Variants in CLEC2A observed in about 807,000 individuals in gnomAD.
CLEC2A encodes the protein C-type lectin domain family 2 member A.
CLEC2A carries 19 observed loss-of-function variants against 18.6 expected under a neutral mutation model. The observed-to-expected ratio is 1.02, with a 90% confidence interval of 0.71 to 1.50. The LOEUF (loss-of-function observed/expected upper bound fraction) is 1.50. CLEC2A is among the 40% of genes most tolerant of loss of function. The pLI is 0.00. For missense variants in CLEC2A, 190 were observed against 207.9 expected (o/e 0.91, Z 0.53); for synonymous variants, 74 against 64.0 (o/e 1.16, Z -0.75).
chr12:9,901,604 A>AT (rs1423155601), intron 4 of CLEC2A, among the ~76,000 whole-genome samples: 1 of 152,086 alleles, frequency 6.6e-6, no homozygotes, highest in Non-Finnish European at 1.5e-5. Context: ...TGTTTACTTC[A>AT]TTTTTCTGGA....
the CLEC2A span, chr12:9,893,522 C>A: frequency 4.7e-6 from 7 of 1,483,940 alleles, no homozygotes; most frequent in Non-Finnish European, 5.4e-6. Flanking sequence ...GATAGATGAA[C>A]ACTTTTTAGT....
intron 2 of CLEC2A, among the ~76,000 whole-genome samples, chr12:9,922,920 T>TTTA (rs958942682): frequency 1.3e-5 from 2 of 151,900 alleles, no homozygotes; most frequent in Non-Finnish European, 2.9e-5. Context: ...TCCACCATGA[T>TTTA]TTATTATTAT....
chr12:9,894,120 T>TTTTC (rs747130806), downstream of CLEC2A, among the ~76,000 whole-genome samples: 1,745 of 108,740 alleles, frequency 0.016, 45 homozygotes, highest in African/African-American at 0.062. Context: ...TTTTTCTTTC[T>TTTTC]TTTCTTTCTC....
chr12:9,930,508 A>C (rs1863357636), intron 1 of CLEC2A, among the ~76,000 whole-genome samples: 1 of 152,038 alleles, frequency 6.6e-6, no homozygotes, highest in African/African-American at 2.4e-5. Flanking sequence ...TCTAATAGCC[A>C]CCATTTGATT....
At chr12:9,929,545 T>A (rs1046551726) in intron 1 of CLEC2A, among the ~76,000 whole-genome samples, 20 of 152,160 alleles carry the variant, frequency 1.3e-4, no homozygotes, top group African/African-American at 4.8e-4. Context: ...TGTGTGGACT[T>A]TCTTTCAAAA....
intron 2 of CLEC2A, among the ~76,000 whole-genome samples, chr12:9,925,208 T>C (rs1863248350): frequency 6.6e-6 from 1 of 152,236 alleles, no homozygotes; most frequent in Admixed American, 6.5e-5. Flanking sequence ...CTCAAGTTGA[T>C]GTGTCTTGTG....
chr12:9,925,548 T>C (rs1430335766), intron 2 of CLEC2A, among the ~76,000 whole-genome samples: 1 of 152,192 alleles, frequency 6.6e-6, no homozygotes, highest in African/African-American at 2.4e-5. Flanking sequence ...CTAATGAGGA[T>C]TAAATACAAA....
Position 9,929,483 on chromosome 12 carries a change from A to T in CLEC2A, c.55+2792T>A, listed in dbSNP as rs192362680. Among the ~76,000 whole-genome samples the T allele has an allele frequency of 1.1e-4, 16 of 152,310 alleles. No homozygotes were observed. In the East Asian group the frequency reaches 3.1e-3, roughly 29 times the overall value. ...TAACAGGGACTTATCTCAGATAGAC[A>T]TTGAATGTTATCATGTTTCCTTGTT... On this transcript the variant is annotated intron_variant, in intron 1 of 4. Coordinates refer to ENST00000455827, the MANE Select transcript of CLEC2A (RefSeq NM_001130711.2).
chr12:9,922,325 A>G, intron 2 of CLEC2A, 93 bp from the exon 3 acceptor site: 4 of 1,068,080 alleles, frequency 3.7e-6, no homozygotes, highest in Non-Finnish European at 5.0e-6. Context: ...TTGCTTCCAC[A>G]GTTTGAGGCC....
chr12:9,887,945 A>G, the CLEC2A span, among the ~76,000 whole-genome samples: 1 of 151,004 alleles, frequency 6.6e-6, no homozygotes, highest in East Asian at 2.0e-4. Context: ...ACTCCCAACT[A>G]CTTGGGAAGC....
the CLEC2A span, chr12:9,893,140 T>TACTG: frequency 6.5e-7 from 1 of 1,533,242 alleles, no homozygotes; most frequent in Non-Finnish European, 8.7e-7. Flanking sequence ...CAGGCACATT[T>TACTG]ACTGGTGATT....
At chr12:9,881,190 A>G in the CLEC2A span, among the ~76,000 whole-genome samples, 11 of 152,170 alleles carry the variant, frequency 7.2e-5, no homozygotes, top group African/African-American at 2.7e-4. Context: ...ATTTTTATTT[A>G]CCTAGACATT....
At chr12:9,880,496 C>T in the CLEC2A span, among the ~76,000 whole-genome samples, 7 of 151,576 alleles carry the variant, frequency 4.6e-5, no homozygotes, top group Admixed American at 3.3e-4. Context: ...TGAGTGGCCA[C>T]GTAGCAGAAA....
At chr12:9,919,399 G>C (rs1863127150) in intron 3 of CLEC2A, among the ~76,000 whole-genome samples, 1 of 152,204 alleles carries the variant, frequency 6.6e-6, no homozygotes. Context: ...AGGTGGGTGA[G>C]CAGAGCCTGT....
chr12:9,895,595 A>G (rs114159936), downstream of CLEC2A: 2,308 of 1,198,492 alleles, frequency 1.9e-3, 27 homozygotes, highest in African/African-American at 0.031. Flanking sequence ...TGGCTGCTGA[A>G]GAATTACCTA....
the CLEC2A span, among the ~76,000 whole-genome samples, chr12:9,889,680 A>G: frequency 2.0e-5 from 3 of 151,588 alleles, no homozygotes; most frequent in East Asian, 1.9e-4. Flanking sequence ...GTATATATAT[A>G]CATATATACA....
chr12:9,887,085 G>T, the CLEC2A span, among the ~76,000 whole-genome samples: 4 of 151,956 alleles, frequency 2.6e-5, no homozygotes, highest in African/African-American at 9.7e-5. Flanking sequence ...ATCCAGAAAG[G>T]TCAATAGCTC....
rs144439570 is a variant in CLEC2A, at chr12:9,929,974, G to A, written c.55+2301C>T. ...CCTTCTTTTTTTAATATTTATAAGCGCATTAGTGTTTTAGTTTGCTAGGCC... is the reference window on the plus strand; with the variant it reads ...CCTTCTTTTTTTAATATTTATAAGCACATTAGTGTTTTAGTTTGCTAGGCC... On this transcript the variant is annotated intron_variant, in intron 1 of 4. Transcript: ENST00000455827. 2.4e-3 allele frequency among the ~76,000 whole-genome samples: 358 copies of A among 151,080 alleles called. 3 individuals carry two copies. Among genetic ancestry groups the A allele is most frequent in the African/African-American group, 8.1e-3 (334 of 41,080 alleles).
At chr12:9,907,591 T>A (rs1026412077) in intron 4 of CLEC2A, among the ~76,000 whole-genome samples, 5 of 152,164 alleles carry the variant, frequency 3.3e-5, no homozygotes, top group Admixed American at 1.3e-4. Flanking sequence ...TCCTTCCCCT[T>A]GTAAATGGTT....
Sources: allele counts gnomAD v4.1 joint callset (sites outside exome capture counted in the v4.1 genomes callset), GRCh38; gene constraint gnomAD v4.1.1; transcripts MANE v1.5; gene names NCBI Gene and HGNC (gene_info 2026-07-23, HGNC 2026-07-21).